PLCL1: variants seen among roughly 807,000 people sequenced by gnomAD.
PLCL1 encodes the protein inactive phospholipase C-like protein 1.
A neutral mutation model predicts 84.4 loss-of-function variants in PLCL1; 41 were observed. The ratio of observed to expected loss-of-function variants is 0.49; its 90% confidence interval spans 0.38 to 0.63. The LOEUF is 0.63. Among genes scored for constraint, PLCL1 ranks in the 30% least tolerant of loss-of-function variants. The pLI is 0.00. For synonymous variants in PLCL1, 490 were observed against 488.3 expected (o/e 1.00, Z -0.05); for missense variants, 1,206 against 1,367.8 (o/e 0.88, Z 1.87).
intron 1 of PLCL1, among the ~76,000 whole-genome samples, chr2:197,828,450 C>A (rs1690980350): frequency 6.6e-6 from 1 of 151,998 alleles, no homozygotes; most frequent in African/African-American, 2.4e-5. Flanking sequence ...ATTCATATAT[C>A]TATATTAGAT....
At chr2:198,117,312 T>A (rs1693767957) in intron 5 of PLCL1, among the ~76,000 whole-genome samples, 2 of 149,550 alleles carry the variant, frequency 1.3e-5, no homozygotes, top group African/African-American at 4.9e-5. Context: ...TATGGGTCTC[T>A]ATCAGTCATT....
chr2:198,135,160 C>G (rs2105940177), intron 5 of PLCL1, among the ~76,000 whole-genome samples: 1 of 152,232 alleles, frequency 6.6e-6, no homozygotes, highest in East Asian at 1.9e-4. Context: ...GTAGAGATTT[C>G]TATAGAAGCT....
In PLCL1 at chr2:197,903,468, A is replaced by ATTTTTTTTTTTT. The variant is rs3056105; in HGVS notation, c.240+98151_240+98162dup. On this transcript the variant is annotated intron_variant, in intron 1 of 5. Transcript: ENST00000428675. ...GTATCTTCCTTTTTACTCCATTTAAATTTTTTTTTTTTTTTTTTTTTTTTT... is the reference window on the plus strand; with the variant it reads ...GTATCTTCCTTTTTACTCCATTTAAATTTTTTTTTTTTTTTTTTTTTTTTTTTTTTTTTTTTT... Among the ~76,000 whole-genome samples the ATTTTTTTTTTTT allele has an allele frequency of 2.2e-3, 105 of 47,808 alleles. 8 individuals are homozygous for ATTTTTTTTTTTT. Among genetic ancestry groups the ATTTTTTTTTTTT allele is most frequent in the East Asian group, 2.5e-3 (3 of 1,214 alleles). 31.4% of individuals were successfully genotyped at this position (47,808 alleles called of 152,430 possible).
At chr2:197,977,371 C>G (rs1043498789) in intron 1 of PLCL1, among the ~76,000 whole-genome samples, 1 of 151,936 alleles carries the variant, frequency 6.6e-6, no homozygotes, top group African/African-American at 2.4e-5. Flanking sequence ...CGTGCAGAGA[C>G]CAGACTCAGC....
intron 1 of PLCL1, among the ~76,000 whole-genome samples, chr2:197,856,389 G>A (rs937055877): frequency 6.6e-6 from 1 of 152,018 alleles, no homozygotes; most frequent in Non-Finnish European, 1.5e-5. Context: ...TTAGATTTAT[G>A]CTGTTTGGCT....
chr2:198,131,474 C>A (rs767173058), intron 5 of PLCL1, among the ~76,000 whole-genome samples: 3 of 152,004 alleles, frequency 2.0e-5, no homozygotes, highest in Non-Finnish European at 4.4e-5. Context: ...TAACCTGAGC[C>A]CCAATTAATA....
chr2:198,142,445 G>T (rs151208050), intron 5 of PLCL1, among the ~76,000 whole-genome samples: 1 of 152,088 alleles, frequency 6.6e-6, no homozygotes, highest in African/African-American at 2.4e-5. Context: ...AATCTAAATT[G>T]CATCAGTTAT....
intron 1 of PLCL1, among the ~76,000 whole-genome samples, chr2:198,044,578 CATAAACCAAAACCATAGGGGTTTCAA>C (rs1691743390): frequency 6.6e-6 from 1 of 152,122 alleles, no homozygotes; most frequent in Admixed American, 6.5e-5. Context: ...AAAAACTACA[CATAAACCAAAACCATAGGGGTTTCAA>C]ATAATCATTG....
rs187604715 is a variant in PLCL1 at position 198,147,161 on chromosome 2, C to T, written c.*199C>T. ...GCCTTTAGTATCAGTGTTTTAAATTCTGAGACATGTGTCAACACCCCTGTG... is the reference window on the plus strand; with the variant it reads ...GCCTTTAGTATCAGTGTTTTAAATTTTGAGACATGTGTCAACACCCCTGTG... On this transcript the variant is annotated 3_prime_UTR_variant, in exon 6 of 6. Transcript: ENST00000428675. The T allele has an allele frequency of 2.3e-4, 103 of 450,564 alleles. No individual in the cohort carries two copies. In the Admixed American group the frequency reaches 3.8e-3, roughly 17 times the overall value. The allele number at this position is 450,564 out of a possible 1,614,324, so 27.9% of individuals were successfully genotyped here.
intron 1 of PLCL1, among the ~76,000 whole-genome samples, chr2:197,980,758 A>ATAGT (rs1690088968): frequency 2.0e-5 from 3 of 152,204 alleles, no homozygotes; most frequent in Non-Finnish European, 4.4e-5. Flanking sequence ...AGCTAATACT[A>ATAGT]TGGAGTTCTT....
At chr2:197,962,482 T>C (rs1308242465) in intron 1 of PLCL1, among the ~76,000 whole-genome samples, 2 of 152,098 alleles carry the variant, frequency 1.3e-5, no homozygotes, top group Admixed American at 6.5e-5. Context: ...ACAGTAGGTA[T>C]ATATATTTAT....
At chr2:197,879,170 G>T (rs1406850572) in intron 1 of PLCL1, among the ~76,000 whole-genome samples, 2 of 152,162 alleles carry the variant, frequency 1.3e-5, no homozygotes, top group Non-Finnish European at 2.9e-5. Context: ...CTGCCTTTGA[G>T]ATTGCCTTAG....
intron 1 of PLCL1, among the ~76,000 whole-genome samples, chr2:198,046,430 C>T (rs1350174340): frequency 1.3e-5 from 2 of 152,122 alleles, no homozygotes; most frequent in African/African-American, 4.8e-5. Flanking sequence ...CCAGCGTGAG[C>T]GACGCAGAAG....
At chr2:197,875,887 A>G (rs974656408) in intron 1 of PLCL1, among the ~76,000 whole-genome samples, 5 of 152,164 alleles carry the variant, frequency 3.3e-5, no homozygotes, top group South Asian at 4.1e-4. Context: ...TATTGTTCAG[A>G]TAAGGAAAGT....
chr2:197,932,527 C>A (rs147332794), intron 1 of PLCL1, among the ~76,000 whole-genome samples: 1 of 152,244 alleles, frequency 6.6e-6, no homozygotes, highest in Non-Finnish European at 1.5e-5. Flanking sequence ...CCCTACCCCC[C>A]AAACCCAGCA....
In PLCL1 at chr2:198,075,861, A is replaced by AT. The variant is rs566957621; in HGVS notation, c.241-7891dup. Among the ~76,000 whole-genome samples the AT allele has an allele frequency of 6.8e-4, 104 of 152,328 alleles. 3 individuals are homozygous for AT. The South Asian group carries it at 0.013, about 20-fold the overall frequency. ...GACAACATTAGTGTTGGGATTAATG[A>AT]TTTTTTAAAGAACAAATCACTTGTA... On this transcript the variant is annotated intron_variant, in intron 1 of 5. Coordinates refer to ENST00000428675, the MANE Select transcript of PLCL1 (RefSeq NM_006226.4).
At chr2:197,845,520 G>C (rs138544924) in intron 1 of PLCL1, among the ~76,000 whole-genome samples, 48 of 152,190 alleles carry the variant, frequency 3.2e-4, no homozygotes, top group African/African-American at 1.1e-3. Flanking sequence ...TGGAGGGAGA[G>C]GGAATGAGGA....
intron 5 of PLCL1, among the ~76,000 whole-genome samples, chr2:198,119,319 C>T (rs998372876): frequency 6.6e-6 from 1 of 151,964 alleles, no homozygotes; most frequent in Non-Finnish European, 1.5e-5. Flanking sequence ...AAGCCTAAGA[C>T]TTGAGTGAGA....
intron 1 of PLCL1, among the ~76,000 whole-genome samples, chr2:197,853,065 G>A (rs1687269622): frequency 6.6e-6 from 1 of 151,934 alleles, no homozygotes; most frequent in African/African-American, 2.4e-5. Flanking sequence ...TCTGCTTTCT[G>A]TCTTTATGAA....
Sources: allele counts gnomAD v4.1 joint callset (sites outside exome capture counted in the v4.1 genomes callset), GRCh38; gene constraint gnomAD v4.1.1; transcripts MANE v1.5; gene names NCBI Gene and HGNC (gene_info 2026-07-23, HGNC 2026-07-21).